EIF4ENIF1: variants seen among roughly 807,000 people sequenced by gnomAD.
The protein encoded by EIF4ENIF1 is eukaryotic translation initiation factor 4E nuclear import factor 1.
Under a neutral mutation model 110.5 loss-of-function variants are expected in EIF4ENIF1, and 23 were observed. That is an observed-to-expected ratio of 0.21 (90% CI 0.15 to 0.29). The LOEUF (loss-of-function observed/expected upper bound fraction) is 0.29, where lower values mean the gene tolerates loss of function less well. EIF4ENIF1 is among the 10% of genes least tolerant of loss of function. The pLI is 1.00. For missense variants in EIF4ENIF1, 1,031 were observed against 1,221.1 expected (o/e 0.84, Z 2.32); for synonymous variants, 440 against 437.0 (o/e 1.01, Z -0.09).
At position 31,441,889 on chromosome 22, in the gene EIF4ENIF1, G is replaced by A; in HGVS notation, c.2436C>T (p.Pro812=). The A allele has an allele frequency of 1.2e-6, 2 of 1,614,178 alleles. No homozygotes were observed. Among genetic ancestry groups the A allele is most frequent in the Non-Finnish European group, 1.7e-6 (2 of 1,180,038 alleles). The part of the protein sequence containing the change: ...TPFLRPVHQV[P]LVPHVPMVRP... Reference sequence around the variant, plus strand: ...TAACCATAGGGACATGGGGGACAAGGGGAACTTGGTGGACAGGGCGGAGAA... The same window carrying A: ...TAACCATAGGGACATGGGGGACAAGAGGAACTTGGTGGACAGGGCGGAGAA... Residue 812 remains proline (P), a synonymous_variant, in exon 17 of 19, where the codon CCC becomes CCT. Coordinates refer to ENST00000330125, the MANE Select transcript of EIF4ENIF1 (RefSeq NM_019843.4).
At chr22:31,466,643 G>A (rs185250642) in intron 4 of EIF4ENIF1, among the ~76,000 whole-genome samples, 1 of 121,158 alleles carries the variant, frequency 8.3e-6, no homozygotes, top group African/African-American at 3.5e-5. Context: ...GAAGTGTTGT[G>A]GGGGGGGCAG....
chr22:31,468,768 C>T (rs1372379241), intron 3 of EIF4ENIF1, among the ~76,000 whole-genome samples: 1 of 152,200 alleles, frequency 6.6e-6, no homozygotes, highest in Non-Finnish European at 1.5e-5. Flanking sequence ...AAAACAAAAA[C>T]ATCTATTAAT....
intron 2 of EIF4ENIF1, among the ~76,000 whole-genome samples, chr22:31,485,663 G>T (rs963909913): frequency 6.7e-6 from 1 of 150,016 alleles, no homozygotes; most frequent in Non-Finnish European, 1.5e-5. Flanking sequence ...AATTAGCCAG[G>T]CATGGTGGTG....
intron 4 of EIF4ENIF1, among the ~76,000 whole-genome samples, chr22:31,467,946 C>T (rs1268159056): frequency 6.6e-6 from 1 of 152,154 alleles, no homozygotes; most frequent in South Asian, 2.1e-4. Flanking sequence ...GAAAGATAAT[C>T]GGTACTTTTA....
At chr22:31,459,568 C>T (rs1362798293) in intron 6 of EIF4ENIF1, among the ~76,000 whole-genome samples, 2 of 151,998 alleles carry the variant, frequency 1.3e-5, no homozygotes, top group Non-Finnish European at 2.9e-5. Flanking sequence ...GAGTACTTGT[C>T]ACACTGTATA....
intron 1 of EIF4ENIF1, 42 bp from the exon 2 acceptor site, chr22:31,488,787 A>C (rs893455786): frequency 6.4e-7 from 1 of 1,550,982 alleles, no homozygotes; most frequent in African/African-American, 1.4e-5. Context: ...GAGAACAGTA[A>C]GTTTTCAGAA....
At chr22:31,476,293 T>G (rs2051568301) in intron 2 of EIF4ENIF1, among the ~76,000 whole-genome samples, 1 of 152,282 alleles carries the variant, frequency 6.6e-6, no homozygotes, top group South Asian at 2.1e-4. Context: ...TGTTTGAAAC[T>G]TTTAACTCCA....
At chr22:31,441,467 G>A (rs184282249) in intron 17 of EIF4ENIF1, among the ~76,000 whole-genome samples, 1,679 of 149,888 alleles carry the variant, frequency 0.011, 12 homozygotes, top group Middle Eastern at 0.024. Flanking sequence ...TTGAACTCAG[G>A]AGGCAGAGGT....
chr22:31,441,356 G>A (rs1296009558), intron 17 of EIF4ENIF1, among the ~76,000 whole-genome samples: 2 of 151,938 alleles, frequency 1.3e-5, no homozygotes, highest in Non-Finnish European at 2.9e-5. Context: ...TGGGCAACAC[G>A]GTGAAATCCT....
At chr22:31,456,473 T>C (rs1159763858) in intron 7 of EIF4ENIF1, among the ~76,000 whole-genome samples, 5 of 152,064 alleles carry the variant, frequency 3.3e-5, no homozygotes, top group African/African-American at 7.2e-5. Context: ...TCCGCCCGCC[T>C]TGGCCTCCCA....
upstream of EIF4ENIF1, among the ~76,000 whole-genome samples, chr22:31,493,065 G>A (rs932152758): frequency 1.3e-4 from 19 of 151,094 alleles, no homozygotes; most frequent in Non-Finnish European, 2.9e-5. Flanking sequence ...ACGGAGTCTC[G>A]CTCTGTCGTC....
chr22:31,457,498 G>A (rs9680589), intron 7 of EIF4ENIF1, among the ~76,000 whole-genome samples: 7,076 of 152,166 alleles, frequency 0.047, 159 homozygotes, highest in African/African-American at 0.055. Flanking sequence ...ATACTTTCAC[G>A]TCAATCCCAC....
intron 6 of EIF4ENIF1, among the ~76,000 whole-genome samples, chr22:31,460,396 G>A (rs1435514827): frequency 1.3e-5 from 2 of 152,196 alleles, no homozygotes; most frequent in South Asian, 2.1e-4. Flanking sequence ...CACTTTGGGA[G>A]GCTGAGGCAG....
chr22:31,440,615 G>A, intron 18 of EIF4ENIF1, 89 bp downstream of exon 18: 1 of 1,432,850 alleles, frequency 7.0e-7, no homozygotes. Flanking sequence ...GAATGAAAGT[G>A]TTAATTCATC....
chr22:31,487,652 T>A (rs1023469028), intron 2 of EIF4ENIF1, among the ~76,000 whole-genome samples: 12 of 152,008 alleles, frequency 7.9e-5, no homozygotes, highest in East Asian at 1.9e-4. Context: ...TAGCCGAGCG[T>A]ACTGGTGCAC....
intron 2 of EIF4ENIF1, among the ~76,000 whole-genome samples, chr22:31,483,739 G>A (rs1601656239): frequency 1.3e-5 from 2 of 151,946 alleles, no homozygotes; most frequent in East Asian, 3.9e-4. Context: ...TAACTTTCAG[G>A]TGAGACCCCA....
intron 2 of EIF4ENIF1, among the ~76,000 whole-genome samples, chr22:31,473,937 G>A (rs2051480089): frequency 6.6e-6 from 1 of 152,042 alleles, no homozygotes; most frequent in Non-Finnish European, 1.5e-5. Flanking sequence ...TGCCACTCTA[G>A]CCCTCTCTCC....
chr22:31,461,307 C>T (rs987824927), intron 6 of EIF4ENIF1, among the ~76,000 whole-genome samples: 2 of 152,202 alleles, frequency 1.3e-5, no homozygotes, highest in Non-Finnish European at 2.9e-5. Context: ...AGCCAGGTCA[C>T]TGCCCTAAAA....
At chr22:31,443,882 C>A (rs142999543) in intron 15 of EIF4ENIF1, among the ~76,000 whole-genome samples, 7 of 149,066 alleles carry the variant, frequency 4.7e-5, no homozygotes, top group African/African-American at 1.7e-4. Flanking sequence ...GCAACCTCTG[C>A]CTCCTGGACT....
Sources: gnomAD v4.1 joint callset for allele counts (sites outside exome capture counted in the v4.1 genomes callset) on GRCh38, gnomAD v4.1.1 for gene constraint, MANE v1.5 for transcripts, NCBI Gene and HGNC (gene_info 2026-07-23, HGNC 2026-07-21) for gene names.